The following RSRC1 variants were observed in gnomAD, a reference collection of about 807,000 sequenced individuals.
RSRC1 encodes arginine and serine rich coiled-coil 1, also known as serine/Arginine-related protein 53.
A neutral mutation model predicts 49.1 loss-of-function variants in RSRC1; 39 were observed. The observed-to-expected ratio is 0.79, with a 90% CI of 0.61 to 1.04. The LOEUF is 1.04. RSRC1 is among the 50% of genes least tolerant of loss of function. The pLI is 0.00. For missense variants in RSRC1, 388 were observed against 402.4 expected (o/e 0.96, Z 0.31); for synonymous variants, 143 against 130.8 (o/e 1.09, Z -0.63).
intron 5 of RSRC1, among the ~76,000 whole-genome samples, chr3:158,321,255 T>G (rs1728739343): frequency 7.0e-6 from 1 of 143,048 alleles, no homozygotes; most frequent in African/African-American, 2.6e-5. Flanking sequence ...CTCTTCCTTC[T>G]TCTTCTTTTT....
intron 6 of RSRC1, among the ~76,000 whole-genome samples, chr3:158,371,073 T>C (rs1333969680): frequency 6.6e-6 from 1 of 151,928 alleles, no homozygotes; most frequent in African/African-American, 2.4e-5. Flanking sequence ...ATTTACCATC[T>C]GTATACTTTC....
chr3:158,192,084 G>A (rs984512637), intron 3 of RSRC1, among the ~76,000 whole-genome samples: 3 of 151,734 alleles, frequency 2.0e-5, no homozygotes, highest in Admixed American at 6.6e-5. Flanking sequence ...ATTTTCTTCA[G>A]AGTCACTTTT....
intron 4 of RSRC1, among the ~76,000 whole-genome samples, chr3:158,222,975 T>G (rs1722308380): frequency 6.6e-6 from 1 of 151,680 alleles, no homozygotes; most frequent in South Asian, 2.1e-4. Context: ...TTTCGTTTAT[T>G]TTCTTTATTC....
chr3:158,529,107 G>T (rs1274738007), intron 7 of RSRC1, among the ~76,000 whole-genome samples: 1 of 150,918 alleles, frequency 6.6e-6, no homozygotes, highest in Admixed American at 6.6e-5. Flanking sequence ...AATTTCAAAT[G>T]TGAAAGATTC....
chr3:158,537,225 T>C lies in RSRC1; in HGVS notation c.759+27T>C, dbSNP rs1236861304. On this transcript the variant is annotated intron_variant, in intron 8 of 9. Coordinates refer to ENST00000611884, the MANE Select transcript of RSRC1 (RefSeq NM_001271838.2). ...TAAGTTTTTATCCACCCATTATGAGTAAACCTTTGGATTCTACCTGAAGAG... is the reference window on the plus strand; with the variant it reads ...TAAGTTTTTATCCACCCATTATGAGCAAACCTTTGGATTCTACCTGAAGAG... 8 of 1,368,320 alleles carry C rather than the reference T, an allele frequency of 5.8e-6. No individual in the cohort carries two copies. The East Asian group carries it at 1.9e-4, about 33-fold the overall frequency. 84.8% of individuals were successfully genotyped at this position (1,368,320 alleles called of 1,614,324 possible).
At chr3:158,538,391 T>C (rs1377729222) in intron 8 of RSRC1, among the ~76,000 whole-genome samples, 1 of 151,838 alleles carries the variant, frequency 6.6e-6, no homozygotes, top group Non-Finnish European at 1.5e-5. Flanking sequence ...GGCTGTGAAA[T>C]AGACATTCAT....
At chr3:158,438,456 G>A (rs950636106) in intron 6 of RSRC1, among the ~76,000 whole-genome samples, 37 of 152,212 alleles carry the variant, frequency 2.4e-4, no homozygotes, top group African/African-American at 8.4e-4. Context: ...GCGTGATACT[G>A]GTACCAAAAC....
At chr3:158,445,158 A>C (rs1182957402) in intron 6 of RSRC1, among the ~76,000 whole-genome samples, 1 of 152,228 alleles carries the variant, frequency 6.6e-6, no homozygotes, top group Non-Finnish European at 1.5e-5. Flanking sequence ...TACTGGGTGT[A>C]TACCCAAAGG....
At chr3:158,540,618 T>C (rs537338694) in intron 8 of RSRC1, among the ~76,000 whole-genome samples, 76 of 152,104 alleles carry the variant, frequency 5.0e-4, no homozygotes, top group African/African-American at 1.6e-3. Context: ...ATCCCCAAAA[T>C]AGCTCATAAC....
rs879279969 is a variant in RSRC1 at position 158,221,352 on chromosome 3, C to CT, written c.494+18116dup. On this transcript the variant is annotated intron_variant, in intron 4 of 9. Coordinates refer to ENST00000611884, the MANE Select transcript of RSRC1 (RefSeq NM_001271838.2). ...TCTATTTTTCTAGCTTTATAGGCTG[C>CT]TTTTTTTTTAAGTTGAAAGATGGAT... 4.7e-4 allele frequency among the ~76,000 whole-genome samples: 70 copies of CT among 149,806 alleles called. No individual in the cohort carries two copies. The East Asian group carries it at 6.1e-3, about 13-fold the overall frequency.
intron 3 of RSRC1, among the ~76,000 whole-genome samples, chr3:158,168,021 C>T (rs1056429108): frequency 1.3e-5 from 2 of 151,570 alleles, no homozygotes; most frequent in Non-Finnish European, 2.9e-5. Flanking sequence ...GGGAGGGTAT[C>T]GTAGACCTGG....
intron 6 of RSRC1, among the ~76,000 whole-genome samples, chr3:158,379,318 A>G (rs1053101033): frequency 2.7e-5 from 4 of 147,158 alleles, no homozygotes; most frequent in African/African-American, 1.0e-4. Flanking sequence ...CTTCTGCCTC[A>G]GCCTCCTGAG....
intron 7 of RSRC1, among the ~76,000 whole-genome samples, chr3:158,496,300 G>A (rs1453413061): frequency 6.6e-6 from 1 of 152,108 alleles, no homozygotes; most frequent in Non-Finnish European, 1.5e-5. Flanking sequence ...TCAAGCTTTA[G>A]TGTGCCTCAA....
intron 4 of RSRC1, among the ~76,000 whole-genome samples, chr3:158,285,760 TG>T (rs892436962): frequency 6.6e-6 from 1 of 152,184 alleles, no homozygotes; most frequent in African/African-American, 2.4e-5. Flanking sequence ...GAGACTTTGC[TG>T]AAGTTGCTTA....
chr3:158,283,281 G>T (rs1446239896), intron 4 of RSRC1, among the ~76,000 whole-genome samples: 1 of 151,942 alleles, frequency 6.6e-6, no homozygotes, highest in Non-Finnish European at 1.5e-5. Flanking sequence ...TAAAGCTGCT[G>T]TGAGGATTTT....
intron 5 of RSRC1, among the ~76,000 whole-genome samples, chr3:158,352,265 C>G (rs1161945387): frequency 2.6e-5 from 4 of 151,920 alleles, no homozygotes; most frequent in Non-Finnish European, 4.4e-5. Flanking sequence ...GAGTGAGACC[C>G]TATCTCTTAC....
chr3:158,321,201 T>A (rs1262417518), intron 5 of RSRC1, among the ~76,000 whole-genome samples: 2 of 152,102 alleles, frequency 1.3e-5, no homozygotes, highest in East Asian at 3.9e-4. Flanking sequence ...TTCTTTATGT[T>A]TAGGTAACCT....
chr3:158,477,135 A>T (rs758036938), intron 7 of RSRC1, among the ~76,000 whole-genome samples: 21 of 152,162 alleles, frequency 1.4e-4, no homozygotes, highest in Non-Finnish European at 2.1e-4. Flanking sequence ...CTTATGGATG[A>T]GCAAAGAAAG....
chr3:158,493,836 G>T (rs947688799), intron 7 of RSRC1, among the ~76,000 whole-genome samples: 24 of 152,146 alleles, frequency 1.6e-4, no homozygotes, highest in African/African-American at 5.8e-4. Flanking sequence ...CCTTATATTA[G>T]GCTTTCAGTT....
Sources: allele counts gnomAD v4.1 joint callset (sites outside exome capture counted in the v4.1 genomes callset), GRCh38; gene constraint gnomAD v4.1.1; transcripts MANE v1.5; gene names NCBI Gene and HGNC (gene_info 2026-07-23, HGNC 2026-07-21).